The following RNF20 variants were observed in gnomAD, a reference collection of about 807,000 sequenced individuals.
RNF20 encodes E3 ubiquitin-protein ligase BRE1A.
In RNF20, 84 loss-of-function variants were observed where a neutral mutation model predicts 126.2. That is an observed-to-expected ratio of 0.67 (90% CI 0.56 to 0.80). The LOEUF is 0.80. Ranked by LOEUF, RNF20 falls within the 30% of genes least tolerant of loss-of-function variation. The pLI, the probability that RNF20 is intolerant of heterozygous loss-of-function variation, is 0.00. For missense variants in RNF20, 869 were observed against 1,188.2 expected, an observed-to-expected ratio of 0.73 and a Z score of 3.95; for synonymous variants, 400 against 414.3, an observed-to-expected ratio of 0.97 and a Z score of 0.42.
Position 101,540,198 on chromosome 9 carries a change from G to C in RNF20, c.130-5G>C, listed in dbSNP as rs1380211272. 2.5e-6 allele frequency: 4 copies of C among 1,613,380 alleles called. No homozygotes were observed. Among genetic ancestry groups the C allele is most frequent in the Non-Finnish European group, 3.4e-6 (4 of 1,179,502 alleles). On this transcript the variant is annotated splice_polypyrimidine_tract_variant and splice_region_variant and intron_variant, in intron 2 of 19. Coordinates refer to ENST00000389120, the MANE Select transcript of RNF20 (RefSeq NM_019592.7). Reference sequence around the variant, plus strand: ...GGAGACTAATACGATTGGTTTACTGGGCAGGAGGAACTAGACATTAGAACA... The same window carrying C: ...GGAGACTAATACGATTGGTTTACTGCGCAGGAGGAACTAGACATTAGAACA...
At chr9:101,539,764 A>G (rs1288702301) in intron 2 of RNF20, among the ~76,000 whole-genome samples, 1 of 152,130 alleles carries the variant, frequency 6.6e-6, no homozygotes, top group African/African-American at 2.4e-5. Flanking sequence ...ATGCTAGAGG[A>G]TTAGATGGTT....
chr9:101,557,287 T>G (rs1390575570), intron 15 of RNF20, 97 bp from the exon 16 acceptor site: 7 of 819,840 alleles, frequency 8.5e-6, no homozygotes, highest in Non-Finnish European at 1.4e-5. Context: ...TAAATTAATT[T>G]ATATCTAAAT....
At position 101,554,596 on chromosome 9, in the gene RNF20, T is replaced by G. The variant is rs1463180427; in HGVS notation, c.2020-98T>G. 8.2e-6 allele frequency: 8 copies of G among 973,790 alleles called. No individual in the cohort carries two copies. In the East Asian group the frequency reaches 2.2e-4, roughly 26 times the overall value. The allele number at this position is 973,790 out of a possible 1,614,324, so 60.3% of individuals were successfully genotyped here. ...TTGTTCTATAATTCTGTAAAGACTC[T>G]TTTGGTATTATGAACCTTCTATCTT... On this transcript the variant is annotated intron_variant, in intron 14 of 19. Coordinates refer to ENST00000389120, the MANE Select transcript of RNF20 (RefSeq NM_019592.7).
intron 2 of RNF20, 105 bp downstream of exon 2, chr9:101,535,657 A>G: frequency 7.8e-7 from 1 of 1,275,318 alleles, no homozygotes. Flanking sequence ...CTATTTGAAA[A>G]GAAGAGGGAA....
At chr9:101,558,854 G>C (rs1017878200) in intron 16 of RNF20, among the ~76,000 whole-genome samples, 3 of 152,014 alleles carry the variant, frequency 2.0e-5, no homozygotes, top group Non-Finnish European at 2.9e-5. Flanking sequence ...TGGGTTGTCT[G>C]TTTACCCTGA....
intron 16 of RNF20, among the ~76,000 whole-genome samples, chr9:101,560,158 C>T (rs1402592663): frequency 6.6e-6 from 1 of 152,118 alleles, no homozygotes; most frequent in Non-Finnish European, 1.5e-5. Context: ...TTGAGATGAT[C>T]ATGTGATTTT....
chr9:101,541,772 T>C (rs374637762), intron 5 of RNF20, among the ~76,000 whole-genome samples: 4 of 152,222 alleles, frequency 2.6e-5, no homozygotes, highest in African/African-American at 9.6e-5. Context: ...GTTTTAGAGT[T>C]GACAGATGAT....
intron 2 of RNF20, among the ~76,000 whole-genome samples, chr9:101,537,671 C>G (rs1012694737): frequency 6.6e-6 from 1 of 151,974 alleles, no homozygotes; most frequent in Non-Finnish European, 1.5e-5. Context: ...CAAAGAGGGA[C>G]CAATGAGGTA....
At chr9:101,543,783 C>A (rs953743091) in intron 5 of RNF20, among the ~76,000 whole-genome samples, 1 of 152,244 alleles carries the variant, frequency 6.6e-6, no homozygotes, top group Admixed American at 6.5e-5. Flanking sequence ...GTCTCTACTT[C>A]TTAACTCAGG....
At chr9:101,552,082 C>T in intron 11 of RNF20, 59 bp from the exon 12 acceptor site, 2 of 1,607,246 alleles carry the variant, frequency 1.2e-6, no homozygotes, top group Non-Finnish European at 1.7e-6. Context: ...TGTTCTTTCT[C>T]TCCTTGTGCC....
intron 12 of RNF20, 57 bp downstream of exon 12, chr9:101,552,319 T>G (rs1827460126): frequency 1.2e-6 from 2 of 1,612,612 alleles, no homozygotes; most frequent in Non-Finnish European, 1.7e-6. Context: ...AAGCTGCTTT[T>G]GAATGAGGTC....
intron 18 of RNF20, 133 bp downstream of exon 18, chr9:101,561,363 GAGTA>G: frequency 1.1e-6 from 1 of 934,992 alleles, no homozygotes; most frequent in Admixed American, 2.4e-5. Flanking sequence ...TGAGGGAAGA[GAGTA>G]AGTCTGTTTT....
intron 6 of RNF20, among the ~76,000 whole-genome samples, chr9:101,546,526 G>C (rs1564108880): frequency 6.6e-6 from 1 of 152,176 alleles, no homozygotes; most frequent in Non-Finnish European, 1.5e-5. Flanking sequence ...TTATGAGTTT[G>C]TGGTCTGTCC....
At chr9:101,545,841 C>T (rs988636083) in intron 6 of RNF20, among the ~76,000 whole-genome samples, 1 of 152,140 alleles carries the variant, frequency 6.6e-6, no homozygotes, top group Non-Finnish European at 1.5e-5. Flanking sequence ...GTATTACTAA[C>T]CTGGAGGGCA....
intron 19 of RNF20, 54 bp from the exon 20 acceptor site, chr9:101,562,192 A>G: frequency 6.4e-7 from 1 of 1,571,954 alleles, no homozygotes; most frequent in Non-Finnish European, 8.7e-7. Context: ...TATGAGAGCC[A>G]TTTGGATCAT....
At position 101,551,723 on chromosome 9, in the gene RNF20, G is replaced by A. The variant is rs1827449664; in HGVS notation, c.1312G>A (p.Val438Ile). The A allele has an allele frequency of 6.4e-7, 1 of 1,574,726 alleles. No homozygotes were observed. Among genetic ancestry groups the A allele is most frequent in the African/African-American group, 1.4e-5 (1 of 70,080 alleles). The change falls in exon 11 of 20, where the codon GTA becomes ATA. Residue 438 changes from valine (V) to isoleucine (I), a missense_variant. Transcript: ENST00000389120. ...VSLHKKLRTE[V>I]IQLEDTLAQV... is the part of the protein sequence containing the mutation. The stretch of plus-strand genomic sequence containing the variant: ...TCTTCATAAGAAGCTGAGGACTGAA[G>A]TAATTCAGCTAGAAGATACATTGGC...
intron 1 of RNF20, chr9:101,534,342 A>C (rs1366122355): frequency 6.6e-6 from 1 of 152,132 alleles, no homozygotes; most frequent in African/African-American, 2.4e-5. Flanking sequence ...AATATTGTGC[A>C]GTTGAGGAAA....
intron 9 of RNF20, 55 bp from the exon 10 acceptor site, chr9:101,550,551 A>G: frequency 1.3e-6 from 2 of 1,488,658 alleles, no homozygotes; most frequent in Non-Finnish European, 1.8e-6. Context: ...CTTCCTGTCT[A>G]GCGTCTGGGG....
rs1827468000 is a variant in RNF20, at chr9:101,552,645, AAG to A, written c.1796_1797del (p.Glu599ValfsTer9). 1 of 1,523,482 alleles carries A rather than the reference AAG, an allele frequency of 6.6e-7. No homozygotes were observed. The highest frequency in any genetic ancestry group is 9.1e-7 in the Non-Finnish European group (1 of 1,097,548). The allele number at this position is 1,523,482 out of a possible 1,614,324, so 94.4% of individuals were successfully genotyped here. On this transcript the variant is annotated frameshift_variant, in exon 13 of 20. Coordinates refer to ENST00000389120, the MANE Select transcript of RNF20 (RefSeq NM_019592.7). LOFTEE classifies it high-confidence loss of function. ...AGAGAACGAGAGAAGCAGAAGCTAAAAGAGTCAGAAAAAGAGAGAGATTCTGC... is the reference window on the plus strand; with the variant it reads ...AGAGAACGAGAGAAGCAGAAGCTAAAAGTCAGAAAAAGAGAGAGATTCTGC...
Sources: gnomAD v4.1 joint callset for allele counts (sites outside exome capture counted in the v4.1 genomes callset) on GRCh38, gnomAD v4.1.1 for gene constraint, MANE v1.5 for transcripts, NCBI Gene and HGNC (gene_info 2026-07-23, HGNC 2026-07-21) for gene names.